Variants in SPNS1 observed in about 807,000 individuals in gnomAD.
SPNS1 encodes protein spinster homolog 1.
SPNS1 carries 22 observed loss-of-function variants against 50.3 expected under a neutral mutation model. That is an observed-to-expected ratio of 0.44 (90% CI 0.31 to 0.62). The LOEUF is 0.62. SPNS1 is among the 20% of genes least tolerant of loss of function. The probability of loss-of-function intolerance (pLI) is 0.07; values close to 1 mark genes in which losing one functional copy is unlikely to be tolerated. For missense variants in SPNS1, 576 were observed against 728.6 expected (o/e 0.79, Z 2.41); for synonymous variants, 295 against 317.4 (o/e 0.93, Z 0.75).
In SPNS1 at chr16:28,983,326, G is replaced by A. The variant is rs201698210; in HGVS notation, c.1320+36G>A. On this transcript the variant is annotated intron_variant, in intron 10 of 11. Coordinates refer to ENST00000311008, the MANE Select transcript of SPNS1 (RefSeq NM_032038.3). This position sits in a 1 kb window ranked among gnomAD's most constrained non-coding sequence, Gnocchi z 5.4. Reference sequence around the variant, plus strand: ...TTTCTTGGCTGGCATGGGGTGGCTGGTGTCCTGAGCCTGGGCTGGATCAGA... The same window carrying A: ...TTTCTTGGCTGGCATGGGGTGGCTGATGTCCTGAGCCTGGGCTGGATCAGA... 22 of 1,557,204 alleles carry A rather than the reference G, an allele frequency of 1.4e-5. No individual in the cohort carries two copies. The East Asian group carries it at 1.6e-4, about 11-fold the overall frequency.
intron 2 of SPNS1, among the ~76,000 whole-genome samples, chr16:28,977,095 G>A (rs1176742917): frequency 6.6e-6 from 1 of 152,080 alleles, no homozygotes. Context: ...CGAGGCGGGT[G>A]GATCACGAGA....
In SPNS1 at chr16:28,983,800, G is replaced by T; in HGVS notation, c.1335G>T (p.Leu445=). The change falls in exon 11 of 12, where the codon CTG becomes CTT. Residue 445 remains leucine, a synonymous_variant. Transcript: ENST00000311008. This position sits in a 1 kb window ranked among gnomAD's most constrained non-coding sequence, Gnocchi z 5.4. The stretch of plus-strand genomic sequence containing the variant: ...TCTCCCTGCAGATCTCTGACCGCCT[G>T]CGCCGGAACTGGCCCCCCTCCTTCT... The part of the protein sequence containing the change: ...PYLIGLISDR[L]RRNWPPSFLS... 6.3e-7 allele frequency: 1 copy of T among 1,595,386 alleles called. No homozygotes were observed.
chr16:28,982,099 G>A, intron 7 of SPNS1, 43 bp downstream of exon 7: 1 of 1,598,252 alleles, frequency 6.3e-7, no homozygotes, highest in South Asian at 1.1e-5. Flanking sequence ...GGGTGGCAGG[G>A]CTGGAGTGAA....
Position 28,983,879 on chromosome 16 carries a change from G to A in SPNS1, c.1414G>A (p.Ala472Thr), listed in dbSNP as rs1452342090. 1.9e-6 allele frequency: 3 copies of A among 1,602,444 alleles called. No individual in the cohort carries two copies. The highest frequency in any genetic ancestry group is 2.5e-6 in the Non-Finnish European group (3 of 1,179,358). Residue 472 changes from alanine (A) to threonine (T), a missense_variant, in exon 11 of 12, where the codon GCA (alanine) becomes ACA (threonine). By Grantham distance (58) the Ala-to-Thr change is moderately conservative (BLOSUM62 0). This residue lies in a region of SPNS1 where 428 missense variants were observed against 520.1 expected (regional missense o/e 0.82). Coordinates refer to ENST00000311008, the MANE Select transcript of SPNS1 (RefSeq NM_032038.3). This position sits in a 1 kb window ranked among gnomAD's most constrained non-coding sequence, Gnocchi z 5.4. Reference sequence around the variant, plus strand: ...GCTCATGCTCTGCGCGTTTGTTGGGGCACTGGGCGGCGCAGCCTTCCTGGG... The same window carrying A: ...GCTCATGCTCTGCGCGTTTGTTGGGACACTGGGCGGCGCAGCCTTCCTGGG... The part of the protein sequence containing the change: ...FSLMLCAFVG[A>T]LGGAAFLGTA...
chr16:28,982,970 A>C, intron 9 of SPNS1, 48 bp downstream of exon 9: 1 of 1,602,904 alleles, frequency 6.2e-7, no homozygotes, highest in Non-Finnish European at 8.5e-7. Context: ...TGATGAGAGC[A>C]GAGTTGGGGT....
chr16:28,984,071 C>A (rs970126950), intron 11 of SPNS1, 114 bp downstream of exon 11: 2 of 1,444,450 alleles, frequency 1.4e-6, no homozygotes, highest in African/African-American at 1.4e-5. Context: ...CCTTGTTTGG[C>A]CTCCAGTCTG....
intron 5 of SPNS1, chr16:28,980,182 A>C (rs922482379): frequency 2.1e-5 from 3 of 143,558 alleles, no homozygotes; most frequent in African/African-American, 7.8e-5. Flanking sequence ...ATAATTAGCC[A>C]GGCATGGTGA....
chr16:28,978,854 A>G (rs1965435600), intron 3 of SPNS1: 1 of 334,552 alleles, frequency 3.0e-6, no homozygotes, highest in Non-Finnish European at 5.5e-6. Context: ...ACTTTCCCCT[A>G]CCAGGCAAGC....
At position 28,982,880 on chromosome 16, in the gene SPNS1, C is replaced by G. The variant is rs1361904707; in HGVS notation, c.1179C>G (p.Thr393=). The change falls in exon 9 of 12, where the codon ACC becomes ACG. Residue 393 remains threonine (T), a synonymous_variant. Transcript: ENST00000311008. Reference sequence around the variant, plus strand: ...AGATTTTCATCTTCATTGGAGAGACCCTCCTGTCCATGAACTGGGCCATCG... The same window carrying G: ...AGATTTTCATCTTCATTGGAGAGACGCTCCTGTCCATGAACTGGGCCATCG... ...ATYIFIFIGE[T]LLSMNWAIVA... is the part of the protein sequence containing the mutation. 6.2e-7 allele frequency: 1 copy of G among 1,613,706 alleles called. No individual in the cohort carries two copies. The highest frequency in any genetic ancestry group is 1.3e-5 in the African/African-American group (1 of 74,800).
At chr16:28,980,996 A>G (rs549280492) in intron 5 of SPNS1, among the ~76,000 whole-genome samples, 1 of 152,312 alleles carries the variant, frequency 6.6e-6, no homozygotes, top group African/African-American at 2.4e-5. Flanking sequence ...TCTGAGCTTT[A>G]CTTTCCTTTG....
In SPNS1 at chr16:28,975,361, C is replaced by A. The variant is rs776012865; in HGVS notation, c.210C>A (p.Leu70=). 6.2e-7 allele frequency: 1 copy of A among 1,601,988 alleles called. No homozygotes were observed. The highest frequency in any genetic ancestry group is 8.5e-7 in the Non-Finnish European group (1 of 1,172,230). ...TGGCGGTGCTGTGCTACATCAATCT[C>A]CTGAACTACATGGACCGCTTCACCG... ...LIVAVLCYIN[L]LNYMDRFTVA... Residue 70 remains leucine (L), a synonymous_variant, in exon 1 of 12, where the codon CTC becomes CTA. Transcript: ENST00000311008.
downstream of SPNS1, chr16:28,984,550 G>A (rs749965686): frequency 1.7e-4 from 104 of 620,810 alleles, 3 homozygotes; most frequent in Middle Eastern, 2.0e-3. Context: ...CAGACCCCAG[G>A]TGCCTGCTCT....
In SPNS1 at chr16:28,983,899, C is replaced by T; in HGVS notation, c.1434C>T (p.Phe478=). 1 of 1,600,620 alleles carries T rather than the reference C, an allele frequency of 6.2e-7. No homozygotes were observed. The highest frequency in any genetic ancestry group is 8.5e-7 in the Non-Finnish European group (1 of 1,178,872). ...AFVGALGGAA[F]LGTAIFIEAD... is the part of the protein sequence containing the mutation. ...TTGGGGCACTGGGCGGCGCAGCCTT[C>T]CTGGGCACCGCCATCTTCATTGAGG... Residue 478 remains phenylalanine, a synonymous_variant, in exon 11 of 12, where the codon TTC becomes TTT. Coordinates refer to ENST00000311008, the MANE Select transcript of SPNS1 (RefSeq NM_032038.3). This position sits in a 1 kb window ranked among gnomAD's most constrained non-coding sequence, Gnocchi z 5.4.
chr16:28,982,496 T>A lies in SPNS1; in HGVS notation c.1106T>A (p.Phe369Tyr). 3 of 1,613,512 alleles carry A rather than the reference T, an allele frequency of 1.9e-6. No homozygotes were observed. Among genetic ancestry groups the A allele is most frequent in the Admixed American group, 3.3e-5 (2 of 59,988 alleles). The change falls in exon 8 of 12, where the codon TTC becomes TAC. Residue 369 changes from phenylalanine to tyrosine, a missense_variant. Around this residue, in one of 3 missense-constraint regions of SPNS1, gnomAD observed 428 missense variants for 520.1 expected, o/e 0.82. Transcript: ENST00000311008. ...ACTGGCCTCCTGGGCTCTGCACCCT[T>A]CCTCTTCCTGTCCCTTGCCTGCGCC... ...CATGLLGSAPFLFLSLACARG... is the reference protein window; with the variant it reads ...CATGLLGSAPYLFLSLACARG...
At chr16:28,982,087 G>T (rs771838604) in intron 7 of SPNS1, 31 bp downstream of exon 7, 4 of 1,605,996 alleles carry the variant, frequency 2.5e-6, no homozygotes, top group Non-Finnish European at 3.4e-6. Flanking sequence ...TGGGGGGCCT[G>T]CGGGTGGCAG....
At position 28,981,768 on chromosome 16, in the gene SPNS1, G is replaced by C; in HGVS notation, c.810-133G>C. On this transcript the variant is annotated intron_variant, in intron 6 of 11. Transcript: ENST00000311008. This position sits in a 1 kb window ranked among gnomAD's most constrained non-coding sequence, Gnocchi z 4.2. ...GGCAGCTGCTTGAATTACAGGCCCA[G>C]ATCCTGGGAGCCAGAACCACCTCTG... is the stretch of plus-strand genomic sequence containing the variant. The C allele has an allele frequency of 6.7e-7, 1 of 1,491,872 alleles. No homozygotes were observed. 92.4% of individuals were successfully genotyped at this position (1,491,872 alleles called of 1,614,324 possible).
At chr16:28,979,051 G>A in intron 3 of SPNS1, 104 bp from the exon 4 acceptor site, 1 of 1,413,416 alleles carries the variant, frequency 7.1e-7, no homozygotes, top group Non-Finnish European at 9.6e-7. Flanking sequence ...CTAAAACCCA[G>A]GCATCTCCCG....
intron 2 of SPNS1, among the ~76,000 whole-genome samples, chr16:28,976,954 G>A (rs1965364776): frequency 6.6e-6 from 1 of 152,240 alleles, no homozygotes; most frequent in East Asian, 1.9e-4. Context: ...AGTACGCTAT[G>A]CATGAGGCAG....
At position 28,981,827 on chromosome 16, in the gene SPNS1, A is replaced by G. The variant is rs551058764; in HGVS notation, c.810-74A>G. 4.7e-4 allele frequency: 748 copies of G among 1,583,920 alleles called. 2 individuals carry two copies. In the African/African-American group the frequency reaches 9.0e-3, roughly 19 times the overall value. ...TGTGACCTTACTAAAATAAGCCAGG[A>G]AGGGAGAAGAGAGGTCCCCTCCTGC... On this transcript the variant is annotated intron_variant, in intron 6 of 11. Coordinates refer to ENST00000311008, the MANE Select transcript of SPNS1 (RefSeq NM_032038.3). The surrounding 1 kb of genome is among the most constrained non-coding windows in gnomAD (Gnocchi z 4.2).
Sources: allele counts gnomAD v4.1 joint callset (sites outside exome capture counted in the v4.1 genomes callset), GRCh38; gene constraint gnomAD v4.1.1; regional missense constraint gnomAD v4.1.1; non-coding constraint Gnocchi (gnomAD v3.1); transcripts MANE v1.5; gene names NCBI Gene and HGNC (gene_info 2026-07-23, HGNC 2026-07-21).